UBA6: variants seen among roughly 807,000 people sequenced by gnomAD.
UBA6 encodes the protein ubiquitin like modifier activating enzyme 6, also known as ubiquitin-like modifier-activating enzyme 6.
Under a neutral mutation model 148.3 loss-of-function variants are expected in UBA6, and 87 were observed. That is an observed-to-expected ratio of 0.59 (90% CI 0.49 to 0.70). The LOEUF (loss-of-function observed/expected upper bound fraction) is 0.70, where lower values mean the gene tolerates loss of function less well. Among genes scored for constraint, UBA6 ranks in the 30% least tolerant of loss-of-function variants. The pLI, the probability that UBA6 is intolerant of heterozygous loss-of-function variation, is 0.00. For synonymous variants in UBA6, 376 were observed against 401.0 expected, an observed-to-expected ratio of 0.94 and a Z score of 0.75; for missense variants, 1,186 against 1,241.2, an observed-to-expected ratio of 0.96 and a Z score of 0.67.
chr4:67,667,973 T>C (rs1399383031), intron 9 of UBA6, among the ~76,000 whole-genome samples: 1 of 152,210 alleles, frequency 6.6e-6, no homozygotes, highest in African/African-American at 2.4e-5. Flanking sequence ...TCTAGACATC[T>C]TCCTTTAAAT....
At chr4:67,694,375 A>G (rs1325956480) in intron 2 of UBA6, among the ~76,000 whole-genome samples, 1 of 148,032 alleles carries the variant, frequency 6.8e-6, no homozygotes, top group Non-Finnish European at 1.5e-5. Context: ...ACATTTTGGC[A>G]TTTTGGTCTT....
At position 67,670,552 on chromosome 4, in the gene UBA6, A is replaced by G; in HGVS notation, c.587T>C (p.Phe196Ser). Residue 196 changes from phenylalanine (F) to serine (S), a missense_variant, in exon 8 of 33, where the codon TTT becomes TCT. Coordinates refer to ENST00000322244, the MANE Select transcript of UBA6 (RefSeq NM_018227.6). ...TTCAAATTCATCACCGAAATCACAA[A>G]ATAACCTTGACCAAATTCCATGTAC... Reference protein sequence around the residue: ...ADVHGIWSRLFCDFGDEFEVL... With the variant: ...ADVHGIWSRLSCDFGDEFEVL... 1.2e-6 allele frequency: 2 copies of G among 1,611,634 alleles called. No homozygotes were observed. The highest frequency in any genetic ancestry group is 2.2e-5 in the South Asian group (2 of 90,998).
intron 32 of UBA6, among the ~76,000 whole-genome samples, chr4:67,620,499 T>TA (rs1728727671): frequency 6.6e-6 from 1 of 152,102 alleles, no homozygotes; most frequent in Admixed American, 6.5e-5. Flanking sequence ...TCTCAAGAGT[T>TA]ACAAGCAGAG....
intron 22 of UBA6, 110 bp from the exon 23 acceptor site, chr4:67,633,583 T>C: frequency 2.2e-6 from 2 of 894,528 alleles, no homozygotes; most frequent in Non-Finnish European, 1.6e-6. Context: ...TGTTTTATGC[T>C]TTTCTTTTTT....
Position 67,668,687 on chromosome 4 carries a change from G to A in UBA6, c.670-13C>T. On this transcript the variant is annotated splice_polypyrimidine_tract_variant and intron_variant, in intron 8 of 32. Transcript: ENST00000322244. ...TGCCAGGATTTGCCTAAAAATAAGA[G>A]TAATCTATTAAAAAAGAACTTCTTT... 1 of 1,603,556 alleles carries A rather than the reference G, an allele frequency of 6.2e-7. No individual in the cohort carries two copies. Among genetic ancestry groups the A allele is most frequent in the Admixed American group, 1.7e-5 (1 of 58,044 alleles).
chr4:67,685,734 T>C (rs923879802), intron 2 of UBA6, among the ~76,000 whole-genome samples: 2 of 152,118 alleles, frequency 1.3e-5, no homozygotes, highest in Non-Finnish European at 2.9e-5. Context: ...AGTGGTTTCA[T>C]TATTGTGGGA....
At chr4:67,626,235 G>T in intron 28 of UBA6, 125 bp downstream of exon 28, 1 of 661,868 alleles carries the variant, frequency 1.5e-6, no homozygotes, top group Non-Finnish European at 2.7e-6. Flanking sequence ...ATATGATCAT[G>T]AAATCAATCA....
chr4:67,673,734 ATCT>A lies in UBA6; in HGVS notation c.506_508del (p.Lys169del), dbSNP rs781420849. On this transcript the variant is annotated inframe_deletion, in exon 7 of 33. Coordinates refer to ENST00000322244, the MANE Select transcript of UBA6 (RefSeq NM_018227.6). ...GCACTGAGAACGGCAAAAGTCATTG[ATCT>A]TCTTCTGCAATGGAAGTTTCATCTC... 6.8e-6 allele frequency: 11 copies of A among 1,612,172 alleles called. No homozygotes were observed. The highest frequency in any genetic ancestry group is 2.2e-5 in the East Asian group (1 of 44,790).
intron 18 of UBA6, 55 bp downstream of exon 18, chr4:67,641,096 G>T: frequency 9.1e-7 from 1 of 1,095,404 alleles, no homozygotes; most frequent in Non-Finnish European, 1.3e-6. Context: ...TTATTAAAAG[G>T]AAACTCTTTT....
Position 67,624,258 on chromosome 4 carries a change from A to G in UBA6, c.2713-5T>C. ...TTTGATCATCTCCAAGGCAACCTAG[A>G]TAAAAGAAGGTGATCTGATAATATA... On this transcript the variant is annotated splice_polypyrimidine_tract_variant and splice_region_variant and intron_variant, in intron 29 of 32. Transcript: ENST00000322244. 6.3e-7 allele frequency: 1 copy of G among 1,594,134 alleles called. No individual in the cohort carries two copies. Among genetic ancestry groups the G allele is most frequent in the Non-Finnish European group, 8.5e-7 (1 of 1,173,630 alleles).
At position 67,615,156 on chromosome 4, in the gene UBA6, G is replaced by A. The variant is rs1728601209; in HGVS notation, c.*3841C>T. 1 of 152,236 alleles carries A rather than the reference G, an allele frequency of 6.6e-6. No individual in the cohort carries two copies. Among genetic ancestry groups the A allele is most frequent in the South Asian group, 2.1e-4 (1 of 4,830 alleles). The allele number at this position is 152,236 out of a possible 1,614,324, so 9.4% of individuals were successfully genotyped here. A position where few individuals can be genotyped will look rare whatever the true frequency, so the allele number is the denominator to read the frequency against. On this transcript the variant is annotated 3_prime_UTR_variant, in exon 33 of 33. Transcript: ENST00000322244. ...GTGTTGGAGGTGAGGGCTGGTGGGA[G>A]GTGTTCGGGTTATGGGGATGGATAT...
At chr4:67,662,568 ATT>A in intron 12 of UBA6, 2 of 234,100 alleles carry the variant, frequency 8.5e-6, no homozygotes, top group Non-Finnish European at 1.6e-5. Flanking sequence ...GGTTCAAGCG[ATT>A]CTTGTGCCTC....
chr4:67,634,347 A>T (rs1729083566), intron 21 of UBA6, 25 bp from the exon 22 acceptor site: 1 of 1,565,720 alleles, frequency 6.4e-7, no homozygotes, highest in African/African-American at 1.4e-5. Flanking sequence ...AGAAAAAAAA[A>T]ATTACAAATA....
At chr4:67,682,823 G>A (rs980702343) in intron 2 of UBA6, among the ~76,000 whole-genome samples, 2 of 152,154 alleles carry the variant, frequency 1.3e-5, no homozygotes, top group African/African-American at 4.8e-5. Flanking sequence ...TATCTTTGGA[G>A]ATAATATAAA....
chr4:67,679,926 A>C (rs927914219), intron 4 of UBA6, among the ~76,000 whole-genome samples: 4 of 152,144 alleles, frequency 2.6e-5, no homozygotes, highest in Admixed American at 6.5e-5. Flanking sequence ...AACCACAATA[A>C]CCAAAGATGG....
intron 2 of UBA6, among the ~76,000 whole-genome samples, chr4:67,696,412 CAT>C (rs143326263): frequency 0.12 from 18,780 of 151,376 alleles, 1,297 homozygotes; most frequent in South Asian, 0.22. Flanking sequence ...TATACACACA[CAT>C]ATACATATAT....
chr4:67,630,603 G>T, intron 25 of UBA6, 68 bp from the exon 26 acceptor site: 1 of 947,930 alleles, frequency 1.1e-6, no homozygotes, highest in African/African-American at 1.7e-5. Flanking sequence ...AACTCATTAT[G>T]AACTATAGCC....
intron 2 of UBA6, among the ~76,000 whole-genome samples, chr4:67,691,322 C>T (rs541899669): frequency 7.9e-5 from 12 of 152,152 alleles, no homozygotes; most frequent in African/African-American, 1.2e-4. Flanking sequence ...CCATAGATGT[C>T]GCCATTTGCA....
intron 2 of UBA6, among the ~76,000 whole-genome samples, chr4:67,682,489 C>T (rs1182176331): frequency 6.6e-6 from 1 of 152,134 alleles, no homozygotes; most frequent in Non-Finnish European, 1.5e-5. Flanking sequence ...GGATTATGTG[C>T]TCCAGATTTG....
Sources: allele counts gnomAD v4.1 joint callset (sites outside exome capture counted in the v4.1 genomes callset), GRCh38; gene constraint gnomAD v4.1.1; transcripts MANE v1.5; gene names NCBI Gene and HGNC (gene_info 2026-07-23, HGNC 2026-07-21).